The following ERO1B variants were observed in gnomAD, a reference collection of about 807,000 sequenced individuals.
The protein encoded by ERO1B is endoplasmic reticulum oxidoreductase 1 beta, also known as ERO1-like protein beta.
Under a neutral mutation model 75.3 loss-of-function variants are expected in ERO1B, and 49 were observed. The observed-to-expected ratio is 0.65, with a 90% confidence interval of 0.52 to 0.83. The LOEUF is 0.83. Among genes scored for constraint, ERO1B ranks in the 40% least tolerant of loss-of-function variants. ERO1B has a pLI of 0.00. For synonymous variants in ERO1B, 191 were observed against 192.9 expected (o/e 0.99, Z 0.08); for missense variants, 512 against 560.1 (o/e 0.91, Z 0.87).
Position 236,275,097 on chromosome 1 carries a change from A to G in ERO1B, c.103-5103T>C, listed in dbSNP as rs189666143. 2.0e-3 allele frequency among the ~76,000 whole-genome samples: 308 copies of G among 152,340 alleles called. 3 individuals carry two copies. Among genetic ancestry groups the G allele is most frequent in the South Asian group, 0.014 (69 of 4,824 alleles). ...AGGCAAGAAGGAGAATTAGACCACTATAAGATTTTAGCTTTTACTGAATCT... is the reference window on the plus strand; with the variant it reads ...AGGCAAGAAGGAGAATTAGACCACTGTAAGATTTTAGCTTTTACTGAATCT... On this transcript the variant is annotated intron_variant, in intron 1 of 15. Coordinates refer to ENST00000354619, the MANE Select transcript of ERO1B (RefSeq NM_019891.4).
chr1:236,221,952 TCA>T lies in ERO1B; in HGVS notation c.1179_1180del (p.Cys393Ter), dbSNP rs1324449792. 8 of 1,613,616 alleles carry T rather than the reference TCA, an allele frequency of 5.0e-6. No homozygotes were observed. The stretch of plus-strand genomic sequence containing the variant: ...TAATTTTCCCCATAATCTGCATTTG[TCA>T]CATCCAACACAGTCCATTATACGGG... On this transcript the variant is annotated stop_gained and frameshift_variant, in exon 14 of 16. Transcript: ENST00000354619. LOFTEE classifies it high-confidence loss of function.
chr1:236,235,932 C>CTTT, intron 7 of ERO1B, 97 bp from the exon 8 acceptor site: 8 of 926,380 alleles, frequency 8.6e-6, no homozygotes, highest in South Asian at 7.1e-5. Flanking sequence ...TCCCCACCCT[C>CTTT]TTTTTTTTTT....
At chr1:236,270,165 A>C (rs1665559849) in intron 1 of ERO1B, among the ~76,000 whole-genome samples, 171 bp from the exon 2 acceptor site, 1 of 152,216 alleles carries the variant, frequency 6.6e-6, no homozygotes, top group East Asian at 1.9e-4. Flanking sequence ...GAGATAAAAA[A>C]CAATAGAAAG....
chr1:236,242,067 C>CAAA (rs11339161), intron 6 of ERO1B, among the ~76,000 whole-genome samples: 2 of 132,952 alleles, frequency 1.5e-5, no homozygotes, highest in East Asian at 2.1e-4. Flanking sequence ...GACTCTGTCT[C>CAAA]AAAAAAAAAA....
At chr1:236,264,099 A>C (rs1726670) in intron 2 of ERO1B, among the ~76,000 whole-genome samples, 1 of 151,776 alleles carries the variant, frequency 6.6e-6, no homozygotes, top group Admixed American at 6.6e-5. Context: ...CTTTTTTCAT[A>C]TAACTACATT....
At chr1:236,268,844 C>T (rs1338599995) in intron 2 of ERO1B, among the ~76,000 whole-genome samples, 1 of 152,080 alleles carries the variant, frequency 6.6e-6, no homozygotes, top group Non-Finnish European at 1.5e-5. Flanking sequence ...CGAGATCGCG[C>T]CACTGCACTC....
chr1:236,269,770 G>C, intron 2 of ERO1B, 105 bp downstream of exon 2: 1 of 821,988 alleles, frequency 1.2e-6, no homozygotes, highest in African/African-American at 1.7e-5. Context: ...AGTGATGAAA[G>C]ATATACACAA....
intron 5 of ERO1B, among the ~76,000 whole-genome samples, chr1:236,248,299 G>C (rs1664935673): frequency 6.6e-6 from 1 of 152,240 alleles, no homozygotes; most frequent in African/African-American, 2.4e-5. Context: ...TTTTGGTAAG[G>C]ATGTAGAGAA....
intron 2 of ERO1B, among the ~76,000 whole-genome samples, chr1:236,265,232 G>C (rs980335407): frequency 2.0e-5 from 3 of 151,956 alleles, no homozygotes; most frequent in Non-Finnish European, 4.4e-5. Context: ...CTGATGTTAG[G>C]ACTGAAATCA....
At chr1:236,229,432 A>G (rs1039114586) in intron 10 of ERO1B, among the ~76,000 whole-genome samples, 2 of 152,268 alleles carry the variant, frequency 1.3e-5, no homozygotes, top group East Asian at 3.9e-4. Flanking sequence ...CAAAAAAAAA[A>G]AAAAGAAATA....
At chr1:236,222,918 C>T (rs1749561) in intron 13 of ERO1B, among the ~76,000 whole-genome samples, 71,185 of 151,720 alleles carry the variant, frequency 0.47, 17,390 homozygotes, top group East Asian at 0.88. Context: ...AATAGTTTCC[C>T]ACACTGGTCA....
chr1:236,275,390 C>G (rs534292600), intron 1 of ERO1B, among the ~76,000 whole-genome samples: 21 of 152,186 alleles, frequency 1.4e-4, no homozygotes, highest in Non-Finnish European at 2.6e-4. Context: ...ACTTTACTTA[C>G]AGTTATCAAT....
In ERO1B at chr1:236,269,989, A is replaced by C; in HGVS notation, c.108T>G (p.Thr36=). Residue 36 remains threonine (T), a synonymous_variant, in exon 2 of 16, where the codon ACT becomes ACG. Coordinates refer to ENST00000354619, the MANE Select transcript of ERO1B (RefSeq NM_019891.4). ...CACACAAGCAATCATCCAGAACTCCAGTGACCTAGAATTTATATAATTTAA... is the reference window on the plus strand; with the variant it reads ...CACACAAGCAATCATCCAGAACTCCCGTGACCTAGAATTTATATAATTTAA... ...FLRSVVEAQV[T]GVLDDCLCDI... is the part of the protein sequence containing the mutation. 6.3e-7 allele frequency: 1 copy of C among 1,588,922 alleles called. No individual in the cohort carries two copies. The highest frequency in any genetic ancestry group is 8.6e-7 in the Non-Finnish European group (1 of 1,162,140).
At chr1:236,270,075 T>C in intron 1 of ERO1B, 81 bp from the exon 2 acceptor site, 1 of 1,048,402 alleles carries the variant, frequency 9.5e-7, no homozygotes, top group Non-Finnish European at 1.4e-6. Flanking sequence ...AAAAATGTAA[T>C]TTATTCATTC....
At position 236,281,776 on chromosome 1, in the gene ERO1B, T is replaced by C. The variant is rs1248124877; in HGVS notation, c.8A>G (p.Gln3Arg). ...CCCAGCGCCTGCCCGGCGGACCCCTTGGCTCATGCTGACCTCTACCCACAC... is the reference window on the plus strand; with the variant it reads ...CCCAGCGCCTGCCCGGCGGACCCCTCGGCTCATGCTGACCTCTACCCACAC... MS[Q>R]GVRRAGAGQG... The change falls in exon 1 of 16, where the codon CAA becomes CGA. Residue 3 changes from glutamine to arginine, a missense_variant. Transcript: ENST00000354619. 2 of 1,507,788 alleles carry C rather than the reference T, an allele frequency of 1.3e-6. No homozygotes were observed. The highest frequency in any genetic ancestry group is 4.0e-5 in the Admixed American group (2 of 49,398). 93.4% of individuals were successfully genotyped at this position (1,507,788 alleles called of 1,614,324 possible). A position where few individuals can be genotyped will look rare whatever the true frequency, so the allele number is the denominator to read the frequency against.
chr1:236,245,316 A>G (rs1417752452), intron 5 of ERO1B, among the ~76,000 whole-genome samples: 22 of 19,402 alleles, frequency 1.1e-3, no homozygotes, highest in East Asian at 0.01. Flanking sequence ...ATATATATAT[A>G]TATATACACA....
rs1158212826 is a variant in ERO1B, at chr1:236,269,859, A to G, written c.222+16T>C. 6.4e-7 allele frequency: 1 copy of G among 1,569,644 alleles called. No individual in the cohort carries two copies. The highest frequency in any genetic ancestry group is 1.7e-5 in the Admixed American group (1 of 58,826). The stretch of plus-strand genomic sequence containing the variant: ...AATACCTTTGATATCAACAGAATAA[A>G]AAATTACAACCTTACCTTGTAATAA... On this transcript the variant is annotated intron_variant, in intron 2 of 15. Transcript: ENST00000354619.
intron 2 of ERO1B, among the ~76,000 whole-genome samples, chr1:236,255,482 A>T (rs575844550): frequency 6.6e-6 from 1 of 152,230 alleles, no homozygotes; most frequent in Admixed American, 6.5e-5. Context: ...TACCATAAGG[A>T]TCAGAATTTT....
chr1:236,256,461 C>T (rs1392832352), intron 2 of ERO1B, among the ~76,000 whole-genome samples: 1 of 152,192 alleles, frequency 6.6e-6, no homozygotes, highest in African/African-American at 2.4e-5. Context: ...ATGGAAGGGA[C>T]AGCACTTCTC....
Sources: gnomAD v4.1 joint callset for allele counts (sites outside exome capture counted in the v4.1 genomes callset) on GRCh38, gnomAD v4.1.1 for gene constraint, MANE v1.5 for transcripts, NCBI Gene and HGNC (gene_info 2026-07-23, HGNC 2026-07-21) for gene names.